The following RSAD1 variants were observed in gnomAD, a reference collection of about 807,000 sequenced individuals.
RSAD1 encodes the protein radical S-adenosyl methionine domain-containing protein 1, mitochondrial.
RSAD1 carries 34 observed loss-of-function variants against 46.2 expected under a neutral mutation model. The ratio of observed to expected loss-of-function variants is 0.74; its 90% confidence interval spans 0.56 to 0.98. RSAD1 has a LOEUF of 0.98. Among genes scored for constraint, RSAD1 ranks in the 50% least tolerant of loss-of-function variants. The pLI, the probability that RSAD1 is intolerant of heterozygous loss-of-function variation, is 0.00. For missense variants in RSAD1, 635 were observed against 592.3 expected (o/e 1.07, Z -0.75); for synonymous variants, 260 against 253.5 (o/e 1.03, Z -0.24).
At chr17:50,482,790 G>A (rs1363104339) in intron 5 of RSAD1, 84 bp downstream of exon 5, 1 of 1,298,414 alleles carries the variant, frequency 7.7e-7, no homozygotes, top group South Asian at 1.3e-5. Flanking sequence ...ACCTCTCCAA[G>A]CCTCTATTTT....
In RSAD1 at chr17:50,484,956, C is replaced by G; in HGVS notation, c.*95C>G. On this transcript the variant is annotated 3_prime_UTR_variant, in exon 9 of 9. Coordinates refer to ENST00000258955, the MANE Select transcript of RSAD1 (RefSeq NM_018346.3). Reference sequence around the variant, plus strand: ...TCTTCTCCGTTGTCGGGTGCCGTCTCTGCTCCTTGTGGTTATTGCTCAGCC... The same window carrying G: ...TCTTCTCCGTTGTCGGGTGCCGTCTGTGCTCCTTGTGGTTATTGCTCAGCC... The G allele has an allele frequency of 1.0e-6, 1 of 988,606 alleles. No individual in the cohort carries two copies. The highest frequency in any genetic ancestry group is 2.1e-4 in the Middle Eastern group (1 of 4,764). 61.2% of individuals were successfully genotyped at this position (988,606 alleles called of 1,614,324 possible).
In RSAD1 at chr17:50,483,423, A is replaced by C. The variant is rs1183319661; in HGVS notation, c.988A>C (p.Met330Leu). The change falls in exon 6 of 9, where the codon ATG (methionine) becomes CTG (leucine). Residue 330 changes from methionine (M) to leucine (L), a missense_variant. Transcript: ENST00000258955. ...CCAGACACTGGAGCCTGACAACTGG[A>C]TGAAGGAGGTGATGCTGTTTGGCCA... ...RIQTLEPDNW[M>L]KEVMLFGHGT... The C allele has an allele frequency of 1.2e-6, 2 of 1,613,704 alleles. No homozygotes were observed. The highest frequency in any genetic ancestry group is 1.7e-6 in the Non-Finnish European group (2 of 1,179,930).
intron 5 of RSAD1, among the ~76,000 whole-genome samples, 155 bp from the exon 6 acceptor site, chr17:50,483,185 A>AG (rs1191193370): frequency 1.1e-3 from 146 of 129,760 alleles, no homozygotes; most frequent in African/African-American, 4.6e-3. Flanking sequence ...AAAAAAAAAA[A>AG]AAAAAAAGAA....
Position 50,478,944 on chromosome 17 carries a change from G to A in RSAD1, c.60G>A (p.Arg20=). The A allele has an allele frequency of 2.9e-6, 4 of 1,388,280 alleles. No homozygotes were observed. Among genetic ancestry groups the A allele is most frequent in the Non-Finnish European group, 3.7e-6 (4 of 1,077,234 alleles). The allele number at this position is 1,388,280 out of a possible 1,614,324, so 86.0% of individuals were successfully genotyped here. The stretch of plus-strand genomic sequence containing the variant: ...CGGCAGCAGCCAGAGCGGCCCAGAG[G>A]CGCCGCCGCGTGGAGAACGCAGGAG... The part of the protein sequence containing the change: ...GWAAAARAAQ[R]RRRVENAGGS... The change falls in exon 1 of 9, where the codon AGG becomes AGA. Residue 20 remains arginine (R), a synonymous_variant. Coordinates refer to ENST00000258955, the MANE Select transcript of RSAD1 (RefSeq NM_018346.3).
Position 50,485,478 on chromosome 17 carries a change from A to G in RSAD1, c.*617A>G, listed in dbSNP as rs1486038007. 2.0e-5 allele frequency: 3 copies of G among 152,554 alleles called. No homozygotes were observed. Among genetic ancestry groups the G allele is most frequent in the East Asian group, 3.9e-4 (2 of 5,194 alleles). The allele number at this position is 152,554 out of a possible 1,614,324, so 9.5% of individuals were successfully genotyped here. A position where few individuals can be genotyped will look rare whatever the true frequency, so the allele number is the denominator to read the frequency against. ...CTGGAAAATGCTCAGAAGATGCTAC[A>G]AAACCTCATGCCTACTGTCTGCCAC... On this transcript the variant is annotated 3_prime_UTR_variant, in exon 9 of 9. Coordinates refer to ENST00000258955, the MANE Select transcript of RSAD1 (RefSeq NM_018346.3).
chr17:50,479,529 C>A, intron 1 of RSAD1, 100 bp from the exon 2 acceptor site: 1 of 1,498,182 alleles, frequency 6.7e-7, no homozygotes, highest in Non-Finnish European at 9.1e-7. Context: ...TGTGGAAAGA[C>A]CTCGGGATAG....
rs1365712833 is a variant in RSAD1, at chr17:50,485,064, C to G, written c.*203C>G. ...GGAACTGGCATCCCATTCAGCATCT[C>G]AGGACTCACAGGCCAACATGTGTTC... On this transcript the variant is annotated 3_prime_UTR_variant, in exon 9 of 9. Transcript: ENST00000258955. 7.0e-6 allele frequency: 4 copies of G among 574,774 alleles called. No homozygotes were observed. Among genetic ancestry groups the G allele is most frequent in the Non-Finnish European group, 1.2e-5 (4 of 320,896 alleles). 35.6% of individuals were successfully genotyped at this position (574,774 alleles called of 1,614,324 possible). A position where few individuals can be genotyped will look rare whatever the true frequency, so the allele number is the denominator to read the frequency against.
intron 3 of RSAD1, among the ~76,000 whole-genome samples, chr17:50,481,714 G>A (rs1476774757): frequency 2.0e-5 from 3 of 152,194 alleles, no homozygotes; most frequent in African/African-American, 7.2e-5. Flanking sequence ...CTATAGGTTA[G>A]AATTATTTAA....
In RSAD1 at chr17:50,483,496, C is replaced by T; in HGVS notation, c.1052+9C>T. ...CTGGGCAGGCTGGAGCTGTGAGCAT[C>T]CAAGGGCACAGGGCTCTCCTCCAGG... On this transcript the variant is annotated intron_variant, in intron 6 of 8. Transcript: ENST00000258955. 1.9e-6 allele frequency: 3 copies of T among 1,612,006 alleles called. No homozygotes were observed. Among genetic ancestry groups the T allele is most frequent in the Non-Finnish European group, 2.5e-6 (3 of 1,179,056 alleles).
chr17:50,479,213 G>C, intron 1 of RSAD1, 194 bp downstream of exon 1: 2 of 566,326 alleles, frequency 3.5e-6, no homozygotes, highest in Non-Finnish European at 5.5e-6. Flanking sequence ...TGAAGTCTCT[G>C]CTACTCACCG....
In RSAD1 at chr17:50,485,275, A is replaced by C. The variant is rs1378116620; in HGVS notation, c.*414A>C. ...AACCATGTCCCCTCTAGGTATTATT[A>C]ATATAAGCAGGAAGGGATCTACTAT... On this transcript the variant is annotated 3_prime_UTR_variant, in exon 9 of 9. Transcript: ENST00000258955. The C allele has an allele frequency of 1.1e-5, 2 of 177,880 alleles. No individual in the cohort carries two copies. Among genetic ancestry groups the C allele is most frequent in the Non-Finnish European group, 2.4e-5 (2 of 83,488 alleles). 11.0% of individuals were successfully genotyped at this position (177,880 alleles called of 1,614,324 possible). A position where few individuals can be genotyped will look rare whatever the true frequency, so the allele number is the denominator to read the frequency against.
At chr17:50,479,815 G>T in intron 2 of RSAD1, 53 bp downstream of exon 2, 5 of 1,589,412 alleles carry the variant, frequency 3.1e-6, no homozygotes, top group Non-Finnish European at 4.3e-6. Context: ...GAGGAGTGGT[G>T]GGGGATAGGT....
Position 50,483,296 on chromosome 17 carries a change from G to A in RSAD1, c.905-44G>A, listed in dbSNP as rs768551512. 2.4e-5 allele frequency: 38 copies of A among 1,601,620 alleles called. No homozygotes were observed. In the East Asian group the frequency reaches 8.3e-4, roughly 35 times the overall value. ...ATGATTTAAATCTGGTAAACACATA[G>A]TATTAACAGCCATTAATGTGGGGAT... On this transcript the variant is annotated intron_variant, in intron 5 of 8. Transcript: ENST00000258955.
intron 3 of RSAD1, chr17:50,480,319 T>C (rs2033367828): frequency 1.8e-6 from 1 of 553,216 alleles, no homozygotes; most frequent in Non-Finnish European, 3.3e-6. Flanking sequence ...CTTACCATAG[T>C]GCCTGGCACA....
At position 50,482,844 on chromosome 17, in the gene RSAD1, C is replaced by CT. The variant is rs901635785; in HGVS notation, c.904+139dup. ...CAAAAAATAATACCTCCCTATAGAA[C>CT]TGTTGAGCATGAATTATAAGGGGCT... On this transcript the variant is annotated intron_variant, in intron 5 of 8. Coordinates refer to ENST00000258955, the MANE Select transcript of RSAD1 (RefSeq NM_018346.3). 4.1e-6 allele frequency: 3 copies of CT among 740,566 alleles called. No individual in the cohort carries two copies. In the African/African-American group the frequency reaches 5.3e-5, roughly 13 times the overall value. 45.9% of individuals were successfully genotyped at this position (740,566 alleles called of 1,614,324 possible).
rs2033445268 is a variant in RSAD1, at chr17:50,485,779, ACT to A, written c.*921_*922del. ...GTTTGGGGTGGTAGGAGCCACACAGACTCTTCTGAGCCCCCTCACTCACTTCC... is the reference window on the plus strand; with the variant it reads ...GTTTGGGGTGGTAGGAGCCACACAGACTTCTGAGCCCCCTCACTCACTTCC... On this transcript the variant is annotated 3_prime_UTR_variant, in exon 9 of 9. Coordinates refer to ENST00000258955, the MANE Select transcript of RSAD1 (RefSeq NM_018346.3). 1 of 152,104 alleles carries A rather than the reference ACT, an allele frequency of 6.6e-6. No homozygotes were observed. Among genetic ancestry groups the A allele is most frequent in the African/African-American group, 2.4e-5 (1 of 41,434 alleles). The allele number at this position is 152,104 out of a possible 1,614,324, so 9.4% of individuals were successfully genotyped here.
intron 1 of RSAD1, 84 bp from the exon 2 acceptor site, chr17:50,479,545 G>A (rs1032654038): frequency 1.3e-6 from 2 of 1,564,962 alleles, no homozygotes; most frequent in Admixed American, 1.7e-5. Flanking sequence ...GATAGGGGTG[G>A]GGGTGGGGTT....
rs1035156706 is a variant in RSAD1, at chr17:50,485,152, G to A, written c.*291G>A. 3.4e-5 allele frequency: 15 copies of A among 437,134 alleles called. No homozygotes were observed. The highest frequency in any genetic ancestry group is 5.3e-5 in the Non-Finnish European group (13 of 243,188). The allele number at this position is 437,134 out of a possible 1,614,324, so 27.1% of individuals were successfully genotyped here. ...GTTTACCTTTTTGGCATCAAATAAT[G>A]AACAGTGTTTGGAAATCTTTCTACA... is the stretch of plus-strand genomic sequence containing the variant. On this transcript the variant is annotated 3_prime_UTR_variant, in exon 9 of 9. Coordinates refer to ENST00000258955, the MANE Select transcript of RSAD1 (RefSeq NM_018346.3).
chr17:50,479,076 G>A (rs2033346641), intron 1 of RSAD1, 57 bp downstream of exon 1: 1 of 1,283,684 alleles, frequency 7.8e-7, no homozygotes, highest in South Asian at 2.6e-5. Flanking sequence ...GGCCGTGACC[G>A]TGGCCGTCCA....
Sources: allele counts gnomAD v4.1 joint callset (sites outside exome capture counted in the v4.1 genomes callset), GRCh38; gene constraint gnomAD v4.1.1; transcripts MANE v1.5; gene names NCBI Gene and HGNC (gene_info 2026-07-23, HGNC 2026-07-21).